Variants in CEP72 observed in about 807,000 individuals in gnomAD.
CEP72 encodes the protein centrosomal protein 72.
Under a neutral mutation model 65.7 loss-of-function variants are expected in CEP72, and 78 were observed. The ratio of observed to expected loss-of-function variants is 1.19; its 90% CI spans 0.99 to 1.43. The LOEUF is 1.43. Ranked by LOEUF, CEP72 falls within the 40% of genes most tolerant of loss-of-function variation. CEP72 has a pLI of 0.00. For synonymous variants in CEP72, 358 were observed against 351.7 expected, an observed-to-expected ratio of 1.02 and a Z score of -0.20; for missense variants, 914 against 832.9, an observed-to-expected ratio of 1.10 and a Z score of -1.20.
intron 4 of CEP72, among the ~76,000 whole-genome samples, chr5:629,299 T>C (rs1406909420): frequency 6.6e-6 from 1 of 152,284 alleles, no homozygotes; most frequent in Non-Finnish European, 1.5e-5. Context: ...CTTAACTTTC[T>C]TGATCACGTG....
rs1412013303 is a variant in CEP72, at chr5:624,678, A to G, written c.512+99A>G. The G allele has an allele frequency of 1.7e-5, 15 of 873,098 alleles. No homozygotes were observed. The African/African-American group carries it at 2.0e-4, about 12-fold the overall frequency. 54.1% of individuals were successfully genotyped at this position (873,098 alleles called of 1,614,324 possible). On this transcript the variant is annotated intron_variant, in intron 4 of 11. Coordinates refer to ENST00000264935, the MANE Select transcript of CEP72 (RefSeq NM_018140.4). The surrounding 1 kb of genome is among the most constrained non-coding windows in gnomAD (Gnocchi z 4.7). ...ATTCACTGTGTGCCGGTCACTCTCC[A>G]GGGGCGGACACCAGGAGGGAGGAAG...
intron 7 of CEP72, among the ~76,000 whole-genome samples, chr5:638,607 G>A (rs370127912): frequency 7.2e-5 from 11 of 152,120 alleles, no homozygotes; most frequent in Middle Eastern, 3.4e-3. Context: ...TGACGTCCCC[G>A]GCAGGTCCTG....
chr5:654,018 T>C (rs1468431146), downstream of CEP72, among the ~76,000 whole-genome samples: 1 of 83,858 alleles, frequency 1.2e-5, no homozygotes, highest in East Asian at 3.1e-4. Context: ...GTGCTGTGTG[T>C]GCGCTAGTGT....
At chr5:665,919 G>GGGC in intron 3 of CEP72, 6 of 344,042 alleles carry the variant, frequency 1.7e-5, no homozygotes, top group Non-Finnish European at 2.4e-5. Context: ...CACCTTCCAG[G>GGGC]CCCCGCCCCC....
chr5:618,256 TAC>T (rs1736124675), intron 1 of CEP72, among the ~76,000 whole-genome samples: 1 of 152,160 alleles, frequency 6.6e-6, no homozygotes. Flanking sequence ...AAACTTCAGG[TAC>T]GTTCCTTGCT....
At chr5:666,344 C>T (rs924425487) in intron 4 of CEP72, among the ~76,000 whole-genome samples, 8 of 152,252 alleles carry the variant, frequency 5.3e-5, no homozygotes, top group East Asian at 1.9e-4. Context: ...CCCTGCAGGC[C>T]GCTCTGACAC....
the CEP72 span, among the ~76,000 whole-genome samples, chr5:674,756 C>T: frequency 6.6e-6 from 1 of 151,830 alleles, no homozygotes; most frequent in Non-Finnish European, 1.5e-5. Flanking sequence ...CTGGTCTGTC[C>T]TCCAGGCAGA....
At chr5:640,654 T>A (rs781350690) in intron 9 of CEP72, 50 bp downstream of exon 9, 6 of 1,547,000 alleles carry the variant, frequency 3.9e-6, no homozygotes, top group Non-Finnish European at 4.3e-6. Context: ...GGGGGAAACA[T>A]GGCTCTGACT....
At chr5:655,274 G>A (rs1410288968), downstream of CEP72, among the ~76,000 whole-genome samples, 1 of 151,886 alleles carries the variant, frequency 6.6e-6, no homozygotes, top group Non-Finnish European at 1.5e-5. This position sits in a 1 kb window ranked among gnomAD's most constrained non-coding sequence, Gnocchi z 5.0. Context: ...CAGGAGAATC[G>A]TTTGAACCTG....
At chr5:665,113 C>A in intron 2 of CEP72, 1 of 1,610,876 alleles carries the variant, frequency 6.2e-7, no homozygotes, top group Non-Finnish European at 8.5e-7. Flanking sequence ...TACTTGCCCC[C>A]TTGCACCTTC....
At chr5:631,813 G>A (rs1737208468) in intron 4 of CEP72, among the ~76,000 whole-genome samples, 1 of 50,314 alleles carries the variant, frequency 2.0e-5, no homozygotes, top group South Asian at 8.1e-4. Flanking sequence ...CAGTCCTGGT[G>A]GGGTTCTGTC....
downstream of CEP72, chr5:660,902 A>C (rs913026461): frequency 6.6e-6 from 1 of 152,268 alleles, no homozygotes; most frequent in African/African-American, 2.4e-5. Flanking sequence ...CGGCCACAGG[A>C]CATGATGCCA....
At chr5:620,374 C>G in intron 3 of CEP72, 113 bp downstream of exon 3, 1 of 940,872 alleles carries the variant, frequency 1.1e-6, no homozygotes, top group South Asian at 1.6e-5. Context: ...CCTTCTGGAA[C>G]GGGGAGTTGG....
rs1735734745 is a variant in CEP72, at chr5:612,508, G to T, written c.82+65G>T. The T allele has an allele frequency of 6.7e-6, 9 of 1,341,114 alleles. No individual in the cohort carries two copies. In the East Asian group the frequency reaches 2.9e-4, roughly 43 times the overall value. The allele number at this position is 1,341,114 out of a possible 1,614,324, so 83.1% of individuals were successfully genotyped here. A position where few individuals can be genotyped will look rare whatever the true frequency, so the allele number is the denominator to read the frequency against. On this transcript the variant is annotated intron_variant, in intron 1 of 11. Transcript: ENST00000264935. ...CGGGGGGGTGGGTGCCGAGCTTCCC[G>T]GGGCGGCGGCGGACCGTGGGCAGGC...
chr5:613,695 C>G (rs1391534472), intron 1 of CEP72, among the ~76,000 whole-genome samples: 1 of 152,174 alleles, frequency 6.6e-6, no homozygotes, highest in Non-Finnish European at 1.5e-5. Flanking sequence ...AGGAACAGGA[C>G]TGTGAGGAGC....
At chr5:669,421 C>G (rs80259565), downstream of CEP72, among the ~76,000 whole-genome samples, 6,351 of 152,250 alleles carry the variant, frequency 0.042, 263 homozygotes, top group African/African-American at 0.1. Context: ...CCCCAGGCAG[C>G]CCACAGTGCC....
rs1736498029 is a variant in CEP72, at chr5:623,058, C to T, written c.404-1413C>T. Among the ~76,000 whole-genome samples, 1 of 151,906 alleles carries T rather than the reference C, an allele frequency of 6.6e-6. No individual in the cohort carries two copies. Among genetic ancestry groups the T allele is most frequent in the Admixed American group, 6.5e-5 (1 of 15,272 alleles). The stretch of plus-strand genomic sequence containing the variant: ...GTGTTTCTGTAGAGAAGGAGCGCGG[C>T]CGTCTCCCTCTTAGTGTTTCTGCAG... On this transcript the variant is annotated intron_variant, in intron 3 of 11. Transcript: ENST00000264935. The surrounding 1 kb of genome is among the most constrained non-coding windows in gnomAD (Gnocchi z 5.3).
intron 5 of CEP72, 131 bp from the exon 6 acceptor site, chr5:635,241 T>C (rs1168786720): frequency 1.5e-6 from 1 of 677,002 alleles, no homozygotes; most frequent in Middle Eastern, 4.2e-4. Context: ...CATTTCAGTG[T>C]CACCCAGCAC....
chr5:620,427 G>A (rs769236007), intron 3 of CEP72, among the ~76,000 whole-genome samples, 166 bp downstream of exon 3: 2 of 152,178 alleles, frequency 1.3e-5, no homozygotes, highest in Admixed American at 1.3e-4. Context: ...CACACAGCTC[G>A]AGAGGCCCTG....
Sources: allele counts gnomAD v4.1 joint callset (sites outside exome capture counted in the v4.1 genomes callset), GRCh38; gene constraint gnomAD v4.1.1; non-coding constraint Gnocchi (gnomAD v3.1); transcripts MANE v1.5; gene names NCBI Gene and HGNC (gene_info 2026-07-23, HGNC 2026-07-21).